The following PLCE1 variants were observed in gnomAD, a reference collection of about 807,000 sequenced individuals.
PLCE1 encodes the protein phospholipase C epsilon 1.
PLCE1 carries 119 observed loss-of-function variants against 242.8 expected under a neutral mutation model. That is an observed-to-expected ratio of 0.49 (90% CI 0.42 to 0.57). The LOEUF (loss-of-function observed/expected upper bound fraction) is 0.57. Among genes scored for constraint, PLCE1 ranks in the 20% least tolerant of loss-of-function variants. The pLI, the probability that PLCE1 is intolerant of heterozygous loss-of-function variation, is 0.00. For synonymous variants in PLCE1, 945 were observed against 1,017.4 expected, an observed-to-expected ratio of 0.93 and a Z score of 1.35; for missense variants, 2,441 against 2,788.8, an observed-to-expected ratio of 0.88 and a Z score of 2.81.
At chr10:94,223,694 C>T (rs2049841488) in intron 4 of PLCE1, among the ~76,000 whole-genome samples, 1 of 152,154 alleles carries the variant, frequency 6.6e-6, no homozygotes, top group South Asian at 2.1e-4. Context: ...GGGAGAGGTG[C>T]TTAAAGAATT....
At chr10:94,086,512 G>A (rs991258768) in intron 2 of PLCE1, among the ~76,000 whole-genome samples, 1 of 152,178 alleles carries the variant, frequency 6.6e-6, no homozygotes, top group Non-Finnish European at 1.5e-5. Flanking sequence ...TATCTCTGTT[G>A]TAACACTGTC....
chr10:94,006,437 C>G (rs890104032), intron 1 of PLCE1, among the ~76,000 whole-genome samples: 3 of 152,210 alleles, frequency 2.0e-5, no homozygotes, highest in African/African-American at 4.8e-5. Flanking sequence ...AATCAACAGA[C>G]AAGTTCAAAT....
At chr10:94,131,202 T>C (rs551227908) in intron 2 of PLCE1, among the ~76,000 whole-genome samples, 2 of 152,340 alleles carry the variant, frequency 1.3e-5, no homozygotes, top group African/African-American at 4.8e-5. Flanking sequence ...TCACTGCATG[T>C]TATGTGTCTC....
intron 7 of PLCE1, among the ~76,000 whole-genome samples, chr10:94,240,293 T>G (rs2050460279): frequency 6.6e-6 from 1 of 152,232 alleles, no homozygotes; most frequent in Non-Finnish European, 1.5e-5. Flanking sequence ...CAAACACTGC[T>G]CTAAATTCTT....
chr10:94,263,443 G>A (rs867035705), intron 14 of PLCE1, among the ~76,000 whole-genome samples: 1 of 151,644 alleles, frequency 6.6e-6, no homozygotes, highest in Non-Finnish European at 1.5e-5. Flanking sequence ...GAACACGGGA[G>A]GCAGAGACTG....
Position 94,246,183 on chromosome 10 carries a change from C to T in PLCE1, c.2658C>T (p.Pro886=), listed in dbSNP as rs544255183. ...LSARCFLQLQ[P]DNSTLTWVKP... is the part of the protein sequence containing the mutation. ...CCCGCTGCTTCCTCCAGCTTCAGCCCGACAATAGCACCTTGACCTGGGTAA... is the reference window on the plus strand; with the variant it reads ...CCCGCTGCTTCCTCCAGCTTCAGCCTGACAATAGCACCTTGACCTGGGTAA... The change falls in exon 8 of 33, where the codon CCC becomes CCT. Residue 886 remains proline, a synonymous_variant. Coordinates refer to ENST00000371380, the MANE Select transcript of PLCE1 (RefSeq NM_016341.4). 1.6e-5 allele frequency: 26 copies of T among 1,614,090 alleles called. No homozygotes were observed. The highest frequency in any genetic ancestry group is 5.3e-5 in the African/African-American group (4 of 75,040).
At chr10:94,129,071 A>C (rs144780934) in intron 2 of PLCE1, among the ~76,000 whole-genome samples, 77 of 152,334 alleles carry the variant, frequency 5.1e-4, no homozygotes, top group Non-Finnish European at 1.0e-3. Flanking sequence ...ACCTCCCTAC[A>C]TTAGGCACTT....
At chr10:94,199,864 G>A (rs565301731) in intron 4 of PLCE1, among the ~76,000 whole-genome samples, 130 of 152,314 alleles carry the variant, frequency 8.5e-4, no homozygotes, top group Middle Eastern at 3.4e-3. Context: ...AGGGTAAGGC[G>A]CTGAGGATGA....
At chr10:94,095,584 T>TA (rs1564682639) in intron 2 of PLCE1, among the ~76,000 whole-genome samples, 1 of 152,148 alleles carries the variant, frequency 6.6e-6, no homozygotes, top group Non-Finnish European at 1.5e-5. Context: ...AATTTCTTAA[T>TA]AACAATGATT....
At chr10:94,200,554 T>C (rs1415727557) in intron 4 of PLCE1, among the ~76,000 whole-genome samples, 1 of 152,060 alleles carries the variant, frequency 6.6e-6, no homozygotes, top group Non-Finnish European at 1.5e-5. Flanking sequence ...AATAGACAAA[T>C]CTGTGCAAAA....
chr10:94,049,033 G>T (rs1313532525), intron 2 of PLCE1, among the ~76,000 whole-genome samples: 1 of 151,764 alleles, frequency 6.6e-6, no homozygotes, highest in African/African-American at 2.4e-5. Flanking sequence ...CAGAATACTG[G>T]GATTATAGGC....
intron 7 of PLCE1, among the ~76,000 whole-genome samples, chr10:94,236,417 A>G (rs1490652525): frequency 6.6e-6 from 1 of 152,022 alleles, no homozygotes. Context: ...AATTCAACAC[A>G]TTAAATTTCA....
intron 1 of PLCE1, among the ~76,000 whole-genome samples, chr10:94,012,594 A>G (rs2061191453): frequency 6.6e-6 from 1 of 152,014 alleles, no homozygotes; most frequent in Admixed American, 6.6e-5. Flanking sequence ...CTTCCTCATC[A>G]CCTCACAGGG....
intron 2 of PLCE1, among the ~76,000 whole-genome samples, chr10:94,041,352 T>C (rs1011668221): frequency 1.3e-5 from 2 of 152,184 alleles, no homozygotes; most frequent in African/African-American, 4.8e-5. Context: ...ACCAGTTCTT[T>C]TGTGCAATAC....
chr10:94,310,971 G>C (rs1018546977), intron 27 of PLCE1, among the ~76,000 whole-genome samples: 1 of 152,164 alleles, frequency 6.6e-6, no homozygotes, highest in African/African-American at 2.4e-5. Flanking sequence ...TAAATCCTCA[G>C]ATTCAAGAGT....
chr10:94,144,839 C>A (rs535231849), intron 3 of PLCE1, among the ~76,000 whole-genome samples: 5 of 152,284 alleles, frequency 3.3e-5, no homozygotes, highest in African/African-American at 1.2e-4. Context: ...AGGTATTGGG[C>A]ACTCACTGTG....
intron 19 of PLCE1, 127 bp from the exon 20 acceptor site, chr10:94,279,655 T>C (rs1331112265): frequency 2.0e-6 from 2 of 1,022,628 alleles, no homozygotes; most frequent in Non-Finnish European, 3.0e-6. Flanking sequence ...TTTTCTCCTC[T>C]CCCAAATGTA....
chr10:94,298,408 G>C lies in PLCE1; in HGVS notation c.5197G>C (p.Glu1733Gln). 2 of 1,614,132 alleles carry C rather than the reference G, an allele frequency of 1.2e-6. No homozygotes were observed. The highest frequency in any genetic ancestry group is 1.7e-6 in the Non-Finnish European group (2 of 1,180,006). The change falls in exon 24 of 33, where the codon GAG (glutamate) becomes CAG (glutamine). Residue 1733 changes from glutamate (E) to glutamine (Q), a missense_variant. By Grantham distance (29) the Glu-to-Gln change is conservative (BLOSUM62 2). Coordinates refer to ENST00000371380, the MANE Select transcript of PLCE1 (RefSeq NM_016341.4). This position sits in a 1 kb window ranked among gnomAD's most constrained non-coding sequence, Gnocchi z 5.2. ...CTGTGAAGGCATTCGACAGACCTGG[G>C]AGGAATCTTCTTCCCCTCTCAACCC... ...SSCEGIRQTW[E>Q]ESSSPLNPTT...
chr10:94,051,773 A>G (rs936588742), intron 2 of PLCE1, among the ~76,000 whole-genome samples: 2 of 152,258 alleles, frequency 1.3e-5, no homozygotes, highest in African/African-American at 4.8e-5. Context: ...ACAAGCACAC[A>G]TCTACATACC....
Sources: allele counts gnomAD v4.1 joint callset (sites outside exome capture counted in the v4.1 genomes callset), GRCh38; gene constraint gnomAD v4.1.1; non-coding constraint Gnocchi (gnomAD v3.1); transcripts MANE v1.5; gene names NCBI Gene and HGNC (gene_info 2026-07-23, HGNC 2026-07-21).